PDE4D: variants seen among roughly 807,000 people sequenced by gnomAD.
The protein encoded by PDE4D is phosphodiesterase 4D.
In PDE4D, 24 loss-of-function variants were observed where a neutral mutation model predicts 87.4. The ratio of observed to expected loss-of-function variants is 0.27; its 90% CI spans 0.20 to 0.39. PDE4D has a LOEUF of 0.39. Among genes scored for constraint, PDE4D ranks in the 10% least tolerant of loss-of-function variants. The pLI is 1.00. For missense variants in PDE4D, 714 were observed against 1,041.0 expected, an observed-to-expected ratio of 0.69 and a Z score of 4.32; for synonymous variants, 384 against 383.2, an observed-to-expected ratio of 1.00 and a Z score of -0.02.
intron 1 of PDE4D, among the ~76,000 whole-genome samples, chr5:60,327,022 T>C (rs1179731538): frequency 1.3e-5 from 2 of 152,136 alleles, no homozygotes; most frequent in Non-Finnish European, 2.9e-5. Flanking sequence ...ATCCCCTGCT[T>C]ACATATCCCA....
chr5:59,033,096 T>C (rs1757875619), intron 6 of PDE4D, among the ~76,000 whole-genome samples: 1 of 152,116 alleles, frequency 6.6e-6, no homozygotes, highest in African/African-American at 2.4e-5. Flanking sequence ...CTCTGAATAC[T>C]AAATAATAAT....
intron 1 of PDE4D, among the ~76,000 whole-genome samples, chr5:59,235,980 G>A (rs1033099552): frequency 6.6e-6 from 1 of 152,106 alleles, no homozygotes; most frequent in South Asian, 2.1e-4. Context: ...GAATATTTCA[G>A]AAAAATATGA....
chr5:60,388,931 G>A (rs1429620006), intron 1 of PDE4D, among the ~76,000 whole-genome samples: 2 of 151,962 alleles, frequency 1.3e-5, no homozygotes, highest in African/African-American at 4.8e-5. Context: ...TACCTCTTAT[G>A]GGCAAGTTAT....
intron 1 of PDE4D, among the ~76,000 whole-genome samples, chr5:59,324,647 A>G (rs1390378757): frequency 6.6e-6 from 1 of 152,158 alleles, no homozygotes; most frequent in Non-Finnish European, 1.5e-5. Flanking sequence ...AGTTTACAGG[A>G]ACAAACCAGA....
At chr5:59,602,924 C>T (rs1013094520) in intron 1 of PDE4D, among the ~76,000 whole-genome samples, 1 of 151,986 alleles carries the variant, frequency 6.6e-6, no homozygotes, top group African/African-American at 2.4e-5. Flanking sequence ...GTGCCAAGAA[C>T]ATACATTGGG....
intron 5 of PDE4D, among the ~76,000 whole-genome samples, chr5:59,114,055 C>T (rs2153440915): frequency 6.6e-6 from 1 of 152,126 alleles, no homozygotes; most frequent in African/African-American, 2.4e-5. Context: ...AAGAAAAAAG[C>T]AACAAGAGAA....
At chr5:59,725,293 C>T (rs994722458) in intron 1 of PDE4D, among the ~76,000 whole-genome samples, 1 of 152,072 alleles carries the variant, frequency 6.6e-6, no homozygotes, top group African/African-American at 2.4e-5. Flanking sequence ...CACTTGTTTC[C>T]CTGAGTTTTG....
intron 1 of PDE4D, among the ~76,000 whole-genome samples, chr5:60,412,825 A>G (rs1207630409): frequency 6.6e-6 from 1 of 152,184 alleles, no homozygotes; most frequent in African/African-American, 2.4e-5. Context: ...TTTATTTGCC[A>G]AAGCCTATAG....
intron 1 of PDE4D, among the ~76,000 whole-genome samples, chr5:59,892,246 T>C (rs1001799966): frequency 3.3e-5 from 5 of 152,194 alleles, no homozygotes; most frequent in Non-Finnish European, 5.9e-5. Context: ...CTTTACTCAT[T>C]TCCTTGGAGA....
intron 1 of PDE4D, among the ~76,000 whole-genome samples, chr5:59,846,627 T>C (rs1743897567): frequency 6.6e-6 from 1 of 152,064 alleles, no homozygotes; most frequent in Non-Finnish European, 1.5e-5. Context: ...GACCAGAAGA[T>C]ATTTGCCTGG....
intron 3 of PDE4D, among the ~76,000 whole-genome samples, chr5:59,913,422 C>T (rs1753662343): frequency 2.0e-5 from 3 of 152,044 alleles, no homozygotes. Flanking sequence ...TATGTGAGAG[C>T]TAGACAAACA....
intron 3 of PDE4D, among the ~76,000 whole-genome samples, chr5:59,906,244 G>A (rs1752798271): frequency 6.6e-6 from 1 of 152,084 alleles, no homozygotes; most frequent in African/African-American, 2.4e-5. Context: ...CATTTCTTTA[G>A]TTAAAGAATT....
intron 1 of PDE4D, among the ~76,000 whole-genome samples, chr5:59,444,855 C>G (rs577855995): frequency 2.4e-4 from 36 of 152,202 alleles, no homozygotes; most frequent in African/African-American, 7.5e-4. Flanking sequence ...GTTCCCCTCC[C>G]TACATATTGC....
intron 1 of PDE4D, among the ~76,000 whole-genome samples, chr5:60,349,855 A>C (rs987966842): frequency 2.0e-5 from 3 of 152,182 alleles, no homozygotes; most frequent in African/African-American, 7.2e-5. Context: ...TGCATGTATC[A>C]GTACATGTTT....
At chr5:59,684,443 A>T (rs898227653) in intron 1 of PDE4D, among the ~76,000 whole-genome samples, 5 of 152,226 alleles carry the variant, frequency 3.3e-5, no homozygotes, top group Non-Finnish European at 7.3e-5. Flanking sequence ...TATCACAGAA[A>T]AATACAAGAA....
intron 5 of PDE4D, among the ~76,000 whole-genome samples, chr5:59,042,027 TA>T (rs1759773442): frequency 6.6e-6 from 1 of 152,150 alleles, no homozygotes; most frequent in African/African-American, 2.4e-5. Context: ...TAAAATGGGG[TA>T]AGCATATATT....
At chr5:60,400,956 G>A (rs1583635466) in intron 1 of PDE4D, among the ~76,000 whole-genome samples, 1 of 152,262 alleles carries the variant, frequency 6.6e-6, no homozygotes, top group East Asian at 1.9e-4. Flanking sequence ...TTCTGCATCA[G>A]AGAATAATCA....
upstream of PDE4D, chr5:60,489,765 G>A (rs1037220087): frequency 2.6e-5 from 4 of 152,180 alleles, no homozygotes; most frequent in African/African-American, 9.7e-5. Context: ...TATCCAGGCT[G>A]AGATGGAAAA....
intron 2 of PDE4D, among the ~76,000 whole-genome samples, chr5:60,185,218 G>A (rs1012295797): frequency 6.6e-6 from 1 of 152,028 alleles, no homozygotes; most frequent in Non-Finnish European, 1.5e-5. Flanking sequence ...TGCCCAGAAG[G>A]TTTCATATTC....
Sources: gnomAD v4.1 joint callset for allele counts (sites outside exome capture counted in the v4.1 genomes callset) on GRCh38, gnomAD v4.1.1 for gene constraint, MANE v1.5 for transcripts, NCBI Gene and HGNC (gene_info 2026-07-23, HGNC 2026-07-21) for gene names.